Variants in ANKAR observed in about 807,000 individuals in gnomAD.
ANKAR encodes ankyrin and armadillo repeat containing.
In ANKAR, 136 loss-of-function variants were observed where a neutral mutation model predicts 146.2. The ratio of observed to expected loss-of-function variants is 0.93; its 90% CI spans 0.81 to 1.07. The LOEUF (loss-of-function observed/expected upper bound fraction) is 1.07, where lower values mean the gene tolerates loss of function less well. Among genes scored for constraint, ANKAR ranks in the 50% least tolerant of loss-of-function variants. ANKAR has a pLI of 0.00. For missense variants in ANKAR, 1,567 were observed against 1,679.9 expected, an observed-to-expected ratio of 0.93 and a Z score of 1.18; for synonymous variants, 500 against 575.8, an observed-to-expected ratio of 0.87 and a Z score of 1.88.
intron 2 of ANKAR, among the ~76,000 whole-genome samples, chr2:189,683,453 T>C (rs115815284): frequency 0.01 from 1,583 of 152,296 alleles, 33 homozygotes; most frequent in African/African-American, 0.036. Context: ...TGAGGCAAGG[T>C]ACAGTCAGGT....
At position 189,689,897 on chromosome 2, in the gene ANKAR, A is replaced by C. The variant is rs377125005; in HGVS notation, c.972A>C (p.Pro324=). The C allele has an allele frequency of 5.4e-5, 85 of 1,573,244 alleles. No individual in the cohort carries two copies. The highest frequency in any genetic ancestry group is 6.9e-5 in the Non-Finnish European group (80 of 1,166,916). The change falls in exon 3 of 23, where the codon CCA becomes CCC. Residue 324 remains proline, a synonymous_variant. Transcript: ENST00000684021. ...TAAAGTTAATATGTTTTCTGATTCC[A>C]TTTCTACTGAGTTTAAAGAAGAAAA... ...GYLKLICFLI[P]FLLSLKKKMK...
downstream of ANKAR, among the ~76,000 whole-genome samples, chr2:189,751,445 T>G (rs1039798144): frequency 1.3e-4 from 8 of 63,578 alleles, no homozygotes; most frequent in East Asian, 1.2e-3. Flanking sequence ...ACAAGTTGTG[T>G]TTTTTTTTTT....
intron 18 of ANKAR, chr2:189,754,141 C>T (rs897049609): frequency 6.2e-7 from 1 of 1,613,020 alleles, no homozygotes; most frequent in Non-Finnish European, 8.5e-7. Flanking sequence ...AGAAATATAC[C>T]TTCCTCTTTT....
At chr2:189,710,441 G>A (rs2039533761) in intron 9 of ANKAR, among the ~76,000 whole-genome samples, 1 of 152,194 alleles carries the variant, frequency 6.6e-6, no homozygotes, top group African/African-American at 2.4e-5. Flanking sequence ...AGCCGAGGGA[G>A]TTGTATTATT....
chr2:189,726,145 T>A (rs2105817996), intron 12 of ANKAR, among the ~76,000 whole-genome samples: 1 of 152,312 alleles, frequency 6.6e-6, no homozygotes, highest in Admixed American at 6.5e-5. Context: ...GGTTGCTAAA[T>A]CTTGGGGGCA....
In ANKAR at chr2:189,743,416, C is replaced by T. The variant is rs2043647199; in HGVS notation, c.3952C>T (p.Pro1318Ser). 2 of 1,613,850 alleles carry T rather than the reference C, an allele frequency of 1.2e-6. No individual in the cohort carries two copies. The highest frequency in any genetic ancestry group is 2.2e-5 in the East Asian group (1 of 44,856). ...TATCAGCAGAGATGCAAGTATTAACCCAGCATTTTTAAAGGAATTTCAAAT... is the reference window on the plus strand; with the variant it reads ...TATCAGCAGAGATGCAAGTATTAACTCAGCATTTTTAAAGGAATTTCAAAT... ...NNISRDASINPAFLKEFQMQQ... is the reference protein window; with the variant it reads ...NNISRDASINSAFLKEFQMQQ... Residue 1318 changes from proline to serine, a missense_variant, in exon 21 of 23, where the codon CCA becomes TCA. Coordinates refer to ENST00000684021, the MANE Select transcript of ANKAR (RefSeq NM_001378068.1).
intron 6 of ANKAR, among the ~76,000 whole-genome samples, chr2:189,695,724 C>A (rs1159216281): frequency 1.3e-5 from 2 of 152,190 alleles, no homozygotes; most frequent in South Asian, 2.1e-4. Flanking sequence ...CAAATTAAAA[C>A]CTCAAAAATT....
At chr2:189,698,108 G>A (rs1313565970) in intron 7 of ANKAR, among the ~76,000 whole-genome samples, 2 of 152,066 alleles carry the variant, frequency 1.3e-5, no homozygotes, top group Non-Finnish European at 2.9e-5. Context: ...GGTAAAAAAG[G>A]AAAGAAATGG....
In ANKAR at chr2:189,677,056, CAAAT is replaced by C. The variant is rs754752428; in HGVS notation, c.570_573del (p.Asn190LysfsTer12). The stretch of plus-strand genomic sequence containing the variant: ...ATTGATCCTGATGGAAAACCTCAAA[CAAAT>C]AAAGACATTTTTTCAGAGTTTAGTT... On this transcript the variant is annotated frameshift_variant, in exon 2 of 23. Transcript: ENST00000684021. LOFTEE classifies it high-confidence loss of function. The C allele has an allele frequency of 1.1e-4, 178 of 1,574,234 alleles. No homozygotes were observed. Among genetic ancestry groups the C allele is most frequent in the Non-Finnish European group, 1.5e-4 (172 of 1,166,358 alleles).
intron 17 of ANKAR, 115 bp downstream of exon 17, chr2:189,733,344 C>A: frequency 2.2e-6 from 2 of 898,692 alleles, no homozygotes; most frequent in Admixed American, 3.3e-5. Flanking sequence ...TAAGAAAAGA[C>A]ATGTAAAAGA....
In ANKAR at chr2:189,729,695, CGT is replaced by C. The variant is rs139823318; in HGVS notation, c.3194-780_3194-779del. 7.4e-5 allele frequency among the ~76,000 whole-genome samples: 7 copies of C among 94,204 alleles called. 1 individual carries two copies. The highest frequency in any genetic ancestry group is 5.0e-4 in the South Asian group (1 of 1,994). 61.8% of individuals were successfully genotyped at this position (94,204 alleles called of 152,430 possible). ...TTCAAATCTGTCCACATCAGCTGTGCGTGTGTGTGTGTGTGTGTGTGGTGCGG... is the reference window on the plus strand; with the variant it reads ...TTCAAATCTGTCCACATCAGCTGTGCGTGTGTGTGTGTGTGTGTGGTGCGG... On this transcript the variant is annotated intron_variant, in intron 15 of 22. Coordinates refer to ENST00000684021, the MANE Select transcript of ANKAR (RefSeq NM_001378068.1).
intron 2 of ANKAR, among the ~76,000 whole-genome samples, chr2:189,683,491 T>G (rs1182052769): frequency 6.6e-6 from 1 of 152,006 alleles, no homozygotes; most frequent in Non-Finnish European, 1.5e-5. Flanking sequence ...AAAACTACAG[T>G]TTAAAAATGT....
At chr2:189,707,332 C>A (rs2039075942) in intron 9 of ANKAR, among the ~76,000 whole-genome samples, 186 bp downstream of exon 9, 1 of 150,430 alleles carries the variant, frequency 6.6e-6, no homozygotes, top group African/African-American at 2.4e-5. Context: ...TTTGTGTGTG[C>A]AAACGTAGTT....
chr2:189,754,117 C>A, intron 18 of ANKAR: 1 of 1,611,734 alleles, frequency 6.2e-7, no homozygotes, highest in South Asian at 1.1e-5. Flanking sequence ...TTTATCTGTT[C>A]AACTTTACTA....
intron 9 of ANKAR, among the ~76,000 whole-genome samples, chr2:189,709,722 T>C (rs2039441403): frequency 6.6e-6 from 1 of 152,228 alleles, no homozygotes; most frequent in South Asian, 2.1e-4. Context: ...AGATACTGGA[T>C]ATGAGCCCCA....
chr2:189,732,159 T>G (rs980048611), intron 16 of ANKAR, among the ~76,000 whole-genome samples: 1 of 152,236 alleles, frequency 6.6e-6, no homozygotes, highest in African/African-American at 2.4e-5. Context: ...TTTGCAATAA[T>G]TCAATAATCA....
At chr2:189,759,423 T>G (rs1216839677) in intron 18 of ANKAR, among the ~76,000 whole-genome samples, 1 of 152,128 alleles carries the variant, frequency 6.6e-6, no homozygotes, top group African/African-American at 2.4e-5. Context: ...TAATTTTTTT[T>G]GTATTTTTAG....
intron 2 of ANKAR, among the ~76,000 whole-genome samples, chr2:189,686,161 T>TA (rs1316850339): frequency 2.6e-5 from 4 of 152,240 alleles, no homozygotes; most frequent in East Asian, 3.9e-4. Context: ...AGAGATGAAT[T>TA]ATAGTGGCCA....
chr2:189,689,719 C>G lies in ANKAR; in HGVS notation c.794C>G (p.Thr265Arg). 6.2e-7 allele frequency: 1 copy of G among 1,613,414 alleles called. No individual in the cohort carries two copies. The highest frequency in any genetic ancestry group is 8.5e-7 in the Non-Finnish European group (1 of 1,179,560). ...TATGAAAATGTCTTTATATTTGAAACAGGCTATTGGCTTACTAATGCTATA... is the reference window on the plus strand; with the variant it reads ...TATGAAAATGTCTTTATATTTGAAAGAGGCTATTGGCTTACTAATGCTATA... ...QQYENVFIFE[T>R]GYWLTNAIKY... The change falls in exon 3 of 23, where the codon ACA becomes AGA. Residue 265 changes from threonine (T) to arginine (R), a missense_variant. By Grantham distance (71) the Thr-to-Arg change is moderately conservative (BLOSUM62 -1). Transcript: ENST00000684021.
Sources: gnomAD v4.1 joint callset for allele counts (sites outside exome capture counted in the v4.1 genomes callset) on GRCh38, gnomAD v4.1.1 for gene constraint, MANE v1.5 for transcripts, NCBI Gene and HGNC (gene_info 2026-07-23, HGNC 2026-07-21) for gene names.